CCSER1: variants seen among roughly 807,000 people sequenced by gnomAD.
CCSER1 encodes serine-rich coiled-coil domain-containing protein 1.
In CCSER1, 41 loss-of-function variants were observed where a neutral mutation model predicts 82.0. That is an observed-to-expected ratio of 0.50 (90% CI 0.39 to 0.65). The LOEUF (loss-of-function observed/expected upper bound fraction) is 0.65, where lower values mean the gene tolerates loss of function less well. Ranked by LOEUF, CCSER1 falls within the 30% of genes least tolerant of loss-of-function variation. The probability of loss-of-function intolerance (pLI) is 0.00; values close to 1 mark genes in which losing one functional copy is unlikely to be tolerated. For synonymous variants in CCSER1, 414 were observed against 383.9 expected (o/e 1.08, Z -0.92); for missense variants, 1,119 against 1,064.2 (o/e 1.05, Z -0.72).
At chr4:91,400,079 T>C (rs780757265) in intron 10 of CCSER1, among the ~76,000 whole-genome samples, 3 of 152,024 alleles carry the variant, frequency 2.0e-5, no homozygotes, top group Admixed American at 1.3e-4. Flanking sequence ...TCTTACATCA[T>C]GCTAGGGCTA....
At chr4:90,666,653 A>G (rs1731835770) in intron 6 of CCSER1, among the ~76,000 whole-genome samples, 1 of 152,194 alleles carries the variant, frequency 6.6e-6, no homozygotes, top group African/African-American at 2.4e-5. Context: ...TCACGTGCTG[A>G]AGAAAAAGCT....
In CCSER1 at chr4:90,932,982, G is replaced by GGAA. The variant is rs1730221871; in HGVS notation, c.2172+9535_2172+9536insGAA. On this transcript the variant is annotated intron_variant, in intron 9 of 10. Transcript: ENST00000509176. ...AGAAAGAAAGAAAGAAAGAAAGAAAGAGAAAGAAAGAAAGAAAGAAAGAAA... is the reference window on the plus strand; with the variant it reads ...AGAAAGAAAGAAAGAAAGAAAGAAAGGAAAGAAAGAAAGAAAGAAAGAAAGAAA... Among the ~76,000 whole-genome samples the GGAA allele has an allele frequency of 2.6e-4, 5 of 18,870 alleles. 1 individual carries two copies. Among genetic ancestry groups the GGAA allele is most frequent in the African/African-American group, 1.4e-3 (4 of 2,800 alleles). 12.4% of individuals were successfully genotyped at this position (18,870 alleles called of 152,430 possible).
chr4:90,210,760 T>C (rs1054627997), intron 1 of CCSER1, among the ~76,000 whole-genome samples: 3 of 152,196 alleles, frequency 2.0e-5, no homozygotes, highest in Non-Finnish European at 2.9e-5. Context: ...TCTGCTATCA[T>C]TTCTAATAAA....
chr4:91,588,686 G>A lies in CCSER1; in HGVS notation c.2218-9886G>A, dbSNP rs556317600. Among the ~76,000 whole-genome samples the A allele has an allele frequency of 4.6e-5, 7 of 151,770 alleles. No homozygotes were observed. In the South Asian group the frequency reaches 1.5e-3, roughly 31 times the overall value. ...AAATTCTTTGAAGGACGTTCAAGTA[G>A]TATTATGTTCACCAAACCATCGTGC... On this transcript the variant is annotated intron_variant, in intron 10 of 10. Transcript: ENST00000509176.
intron 6 of CCSER1, among the ~76,000 whole-genome samples, chr4:90,661,362 C>T (rs992812598): frequency 1.3e-5 from 2 of 152,078 alleles, no homozygotes; most frequent in African/African-American, 4.8e-5. Flanking sequence ...CTTTATTGTC[C>T]TTCTGTGCTT....
chr4:90,421,467 T>A (rs1037870188), intron 4 of CCSER1, among the ~76,000 whole-genome samples: 14 of 152,236 alleles, frequency 9.2e-5, no homozygotes, highest in African/African-American at 3.1e-4. Flanking sequence ...CTCTTCAACC[T>A]TTTGATAAGA....
At chr4:90,353,263 G>A (rs911094492) in intron 3 of CCSER1, among the ~76,000 whole-genome samples, 3 of 152,132 alleles carry the variant, frequency 2.0e-5, no homozygotes, top group African/African-American at 7.2e-5. Flanking sequence ...CTAGAGTGAA[G>A]AATGTATGCA....
At chr4:91,325,063 G>GGGC (rs1746459256) in intron 10 of CCSER1, 2 of 412,554 alleles carry the variant, frequency 4.8e-6, no homozygotes. Flanking sequence ...GTGGGGCAAG[G>GGGC]GGCTTGGGGC....
intron 6 of CCSER1, among the ~76,000 whole-genome samples, chr4:90,631,697 A>G (rs556544056): frequency 6.6e-6 from 1 of 152,326 alleles, no homozygotes; most frequent in African/African-American, 2.4e-5. Context: ...ACAGCAGGCT[A>G]AATAAATATA....
At chr4:91,359,740 T>G (rs181629480) in intron 10 of CCSER1, among the ~76,000 whole-genome samples, 1 of 151,944 alleles carries the variant, frequency 6.6e-6, no homozygotes, top group Non-Finnish European at 1.5e-5. Flanking sequence ...TTGATTTTTT[T>G]TAAGAAAATT....
intron 10 of CCSER1, among the ~76,000 whole-genome samples, chr4:91,386,651 A>G (rs1475607610): frequency 6.6e-6 from 1 of 152,100 alleles, no homozygotes; most frequent in Non-Finnish European, 1.5e-5. Flanking sequence ...AAAAGAAAAA[A>G]TAGTAACTCT....
intron 1 of CCSER1, among the ~76,000 whole-genome samples, chr4:90,290,913 C>A (rs566182662): frequency 1.3e-5 from 2 of 150,556 alleles, no homozygotes; most frequent in African/African-American, 2.5e-5. Flanking sequence ...GGATATCTTT[C>A]TTGTGCATTC....
chr4:90,552,815 T>G lies in CCSER1; in HGVS notation c.1725-75210T>G, dbSNP rs184850202. Among the ~76,000 whole-genome samples the G allele has an allele frequency of 2.0e-5, 3 of 152,272 alleles. No individual in the cohort carries two copies. The East Asian group carries it at 5.8e-4, about 29-fold the overall frequency. On this transcript the variant is annotated intron_variant, in intron 5 of 10. Coordinates refer to ENST00000509176, the MANE Select transcript of CCSER1 (RefSeq NM_001145065.2). ...AGTCTTGTAGAAATTATTTAACAGC[T>G]CTGATTTATTGATAATATCAAGGTG...
intron 10 of CCSER1, among the ~76,000 whole-genome samples, chr4:91,374,774 T>C (rs1190179628): frequency 2.0e-5 from 3 of 152,206 alleles, no homozygotes; most frequent in Non-Finnish European, 4.4e-5. Flanking sequence ...GGTGGGTGAA[T>C]CTCTTGAGGT....
In CCSER1 at chr4:90,503,922, C is replaced by G. The variant is rs540690906; in HGVS notation, c.1724+35568C>G. Among the ~76,000 whole-genome samples the G allele has an allele frequency of 3.3e-5, 5 of 152,048 alleles. No homozygotes were observed. The East Asian group carries it at 9.7e-4, about 29-fold the overall frequency. On this transcript the variant is annotated intron_variant, in intron 5 of 10. Coordinates refer to ENST00000509176, the MANE Select transcript of CCSER1 (RefSeq NM_001145065.2). ...TTTTTGACTTATCGTATACTTTTTT[C>G]TTTCCTAAAAAGTCATTCTACTTTA...
chr4:90,482,697 A>C (rs1560587813), intron 5 of CCSER1, among the ~76,000 whole-genome samples: 2 of 152,170 alleles, frequency 1.3e-5, no homozygotes, highest in Admixed American at 6.5e-5. Context: ...TGAGTTTCTT[A>C]ATCCTGAGTT....
rs1449405868 is a variant in CCSER1 at position 91,479,224 on chromosome 4, CAAAG to C, written c.2218-119345_2218-119342del. Among the ~76,000 whole-genome samples, 9 of 149,366 alleles carry C rather than the reference CAAAG, an allele frequency of 6.0e-5. No homozygotes were observed. In the East Asian group the frequency reaches 1.2e-3, roughly 20 times the overall value. ...ACTTTTATTATGTTGAAAATTGTGA[CAAAG>C]AACGTTTAGTTTACTCTGGTCTTAG... On this transcript the variant is annotated intron_variant, in intron 10 of 10. Transcript: ENST00000509176.
intron 8 of CCSER1, among the ~76,000 whole-genome samples, chr4:90,843,792 A>G (rs1238129000): frequency 3.9e-5 from 6 of 152,046 alleles, no homozygotes; most frequent in Admixed American, 2.0e-4. Flanking sequence ...TGCTAGTTAT[A>G]TTCCCTCCTT....
intron 10 of CCSER1, among the ~76,000 whole-genome samples, chr4:91,298,203 T>A (rs1273460720): frequency 6.6e-6 from 1 of 152,040 alleles, no homozygotes; most frequent in African/African-American, 2.4e-5. Flanking sequence ...TCCGTGCAAG[T>A]ATTAGATACT....
Sources: allele counts gnomAD v4.1 joint callset (sites outside exome capture counted in the v4.1 genomes callset), GRCh38; gene constraint gnomAD v4.1.1; transcripts MANE v1.5; gene names NCBI Gene and HGNC (gene_info 2026-07-23, HGNC 2026-07-21).